Variants in ANKRD31 observed in about 807,000 individuals in gnomAD.
The protein encoded by ANKRD31 is ankyrin repeat domain-containing protein 31.
Under a neutral mutation model 186.0 loss-of-function variants are expected in ANKRD31, and 147 were observed. That is an observed-to-expected ratio of 0.79 (90% CI 0.69 to 0.91). The LOEUF (loss-of-function observed/expected upper bound fraction) is 0.91. Among genes scored for constraint, ANKRD31 ranks in the 40% least tolerant of loss-of-function variants. ANKRD31 has a pLI of 0.00. For missense variants in ANKRD31, 1,986 were observed against 2,148.8 expected (o/e 0.92, Z 1.50); for synonymous variants, 673 against 736.4 (o/e 0.91, Z 1.39).
chr5:75,134,184 T>C (rs574576836), intron 17 of ANKRD31, among the ~76,000 whole-genome samples: 3 of 141,336 alleles, frequency 2.1e-5, no homozygotes, highest in South Asian at 2.4e-4. Context: ...CTGAAGGAGA[T>C]AGAGACACAA....
intron 23 of ANKRD31, among the ~76,000 whole-genome samples, chr5:75,086,297 A>C (rs545989228): frequency 4.1e-4 from 63 of 152,346 alleles, no homozygotes; most frequent in Middle Eastern, 3.4e-3. Flanking sequence ...ATTTTCCATT[A>C]GGTAGGAGTG....
At chr5:75,222,104 C>A in intron 3 of ANKRD31, 145 bp downstream of exon 3, 1 of 536,320 alleles carries the variant, frequency 1.9e-6, no homozygotes, top group South Asian at 2.8e-5. Flanking sequence ...AATAGAATGA[C>A]TAGTTAAGAA....
At chr5:75,189,826 T>G (rs1754982096) in intron 9 of ANKRD31, among the ~76,000 whole-genome samples, 1 of 152,214 alleles carries the variant, frequency 6.6e-6, no homozygotes, top group African/African-American at 2.4e-5. Flanking sequence ...TGTTGTCAAA[T>G]GCTTTCTATG....
rs775181517 is a variant in ANKRD31, at chr5:75,091,324, G to A, written c.5409C>T (p.Val1803=). ...VESGQIYKNP[V]TWLKDLLGGN... ...CTCCCAGAAGATCCTTGAGCCAGGT[G>A]ACTGGGTTTTTATAAATCTGACCAC... The change falls in exon 23 of 26, where the codon GTC becomes GTT. Residue 1803 remains valine, a synonymous_variant. Coordinates refer to ENST00000506364, the MANE Select transcript of ANKRD31 (RefSeq NM_001372053.1). The A allele has an allele frequency of 3.6e-5, 55 of 1,536,996 alleles. No individual in the cohort carries two copies. The South Asian group carries it at 6.4e-4, about 18-fold the overall frequency.
At chr5:75,179,105 C>T (rs953372316) in intron 10 of ANKRD31, among the ~76,000 whole-genome samples, 4 of 152,032 alleles carry the variant, frequency 2.6e-5, no homozygotes, top group Non-Finnish European at 5.9e-5. Flanking sequence ...ACTATAAACA[C>T]CTCTATGCAA....
chr5:75,142,582 GTTTAC>G (rs1751125896), intron 15 of ANKRD31, among the ~76,000 whole-genome samples: 2 of 152,036 alleles, frequency 1.3e-5, no homozygotes, highest in African/African-American at 4.8e-5. Flanking sequence ...GGTCTGCTTA[GTTTAC>G]TTTGATATCT....
At chr5:75,170,889 G>T in intron 10 of ANKRD31, among the ~76,000 whole-genome samples, 1 of 152,046 alleles carries the variant, frequency 6.6e-6, no homozygotes, top group Non-Finnish European at 1.5e-5. Context: ...AATAAAGACA[G>T]ACATTTCATG....
At chr5:75,190,486 T>G (rs1008949332) in intron 9 of ANKRD31, among the ~76,000 whole-genome samples, 4 of 152,108 alleles carry the variant, frequency 2.6e-5, no homozygotes, top group Non-Finnish European at 5.9e-5. Flanking sequence ...TGAACTGGTA[T>G]TATTTCCCCC....
intron 22 of ANKRD31, among the ~76,000 whole-genome samples, chr5:75,096,605 G>T (rs1032769674): frequency 4.6e-5 from 7 of 152,038 alleles, no homozygotes; most frequent in Non-Finnish European, 1.0e-4. Flanking sequence ...GCCCCAAGTG[G>T]TATTGCCTAG....
At chr5:75,090,780 C>T (rs1422858837) in intron 23 of ANKRD31, among the ~76,000 whole-genome samples, 1 of 152,210 alleles carries the variant, frequency 6.6e-6, no homozygotes, top group Non-Finnish European at 1.5e-5. Context: ...TGGATAAGGA[C>T]ATGTTCAAAC....
intron 25 of ANKRD31, among the ~76,000 whole-genome samples, chr5:75,077,828 G>C (rs546283919): frequency 4.0e-4 from 60 of 151,786 alleles, no homozygotes; most frequent in Middle Eastern, 3.4e-3. Flanking sequence ...GGGAGGCTGA[G>C]GCAGGAGAGT....
chr5:75,130,294 C>T (rs963770009), intron 17 of ANKRD31, among the ~76,000 whole-genome samples: 6 of 152,160 alleles, frequency 3.9e-5, no homozygotes. Context: ...AGTGCAGACC[C>T]AAAGAGTGAG....
intron 25 of ANKRD31, among the ~76,000 whole-genome samples, chr5:75,072,004 C>T (rs1744273040): frequency 6.6e-6 from 1 of 152,194 alleles, no homozygotes; most frequent in African/African-American, 2.4e-5. Context: ...ATGACTCCAA[C>T]CACATTATCC....
rs1417518050 is a variant in ANKRD31 at position 75,154,196 on chromosome 5, C to T, written c.1852+5G>A. 7 of 1,502,030 alleles carry T rather than the reference C, an allele frequency of 4.7e-6. No individual in the cohort carries two copies. Among genetic ancestry groups the T allele is most frequent in the African/African-American group, 2.8e-5 (2 of 71,890 alleles). 93.0% of individuals were successfully genotyped at this position (1,502,030 alleles called of 1,614,324 possible). On this transcript the variant is annotated splice_donor_5th_base_variant and intron_variant, in intron 12 of 25. Transcript: ENST00000506364. ...AATAGCTATTACAGGGCAGTTTAAT[C>T]TTACCTGATGTAAGGCATTTTTGAT...
At chr5:75,175,581 G>GACAGATACA (rs1753722671) in intron 10 of ANKRD31, among the ~76,000 whole-genome samples, 1 of 151,796 alleles carries the variant, frequency 6.6e-6, no homozygotes, top group Non-Finnish European at 1.5e-5. Context: ...TAGTGTATCT[G>GACAGATACA]TCAACATTCA....
intron 1 of ANKRD31, among the ~76,000 whole-genome samples, chr5:75,232,706 G>A (rs563813052): frequency 1.3e-5 from 2 of 152,170 alleles, no homozygotes; most frequent in Non-Finnish European, 2.9e-5. Context: ...TTAAAAAGGT[G>A]AACTTTATGT....
intron 17 of ANKRD31, among the ~76,000 whole-genome samples, chr5:75,130,105 TG>T (rs1749645361): frequency 6.6e-6 from 1 of 152,140 alleles, no homozygotes; most frequent in African/African-American, 2.4e-5. Flanking sequence ...TTCTTCCTAC[TG>T]GTGGGTTCTT....
At chr5:75,183,127 A>C (rs1754447346) in intron 10 of ANKRD31, among the ~76,000 whole-genome samples, 1 of 152,240 alleles carries the variant, frequency 6.6e-6, no homozygotes, top group South Asian at 2.1e-4. Context: ...TAAACGTGAT[A>C]TATCACATTA....
At chr5:75,080,759 G>A in intron 24 of ANKRD31, 120 bp from the exon 25 acceptor site, 1 of 508,512 alleles carries the variant, frequency 2.0e-6, no homozygotes, top group Non-Finnish European at 3.3e-6. Flanking sequence ...TGACATTTTA[G>A]GAGAGATGAT....
Sources: gnomAD v4.1 joint callset for allele counts (sites outside exome capture counted in the v4.1 genomes callset) on GRCh38, gnomAD v4.1.1 for gene constraint, MANE v1.5 for transcripts, NCBI Gene and HGNC (gene_info 2026-07-23, HGNC 2026-07-21) for gene names.